Variants in PRKCA observed in about 807,000 individuals in gnomAD.
PRKCA encodes the protein protein kinase C alpha type.
PRKCA carries 27 observed loss-of-function variants against 87.0 expected under a neutral mutation model. The ratio of observed to expected loss-of-function variants is 0.31; its 90% CI spans 0.23 to 0.43. The LOEUF is 0.43. Among genes scored for constraint, PRKCA ranks in the 20% least tolerant of loss-of-function variants. The probability of loss-of-function intolerance (pLI) is 1.00; values close to 1 mark genes in which losing one functional copy is unlikely to be tolerated. For missense variants in PRKCA, 518 were observed against 852.3 expected (o/e 0.61, Z 4.88); for synonymous variants, 329 against 311.1 (o/e 1.06, Z -0.61).
chr17:66,454,096 T>C (rs2143934841), intron 2 of PRKCA, among the ~76,000 whole-genome samples: 1 of 152,376 alleles, frequency 6.6e-6, no homozygotes, highest in South Asian at 2.1e-4. Context: ...TTTAGCAGAA[T>C]TAATCTGAAA....
chr17:66,512,972 C>T (rs1485352164), intron 3 of PRKCA, among the ~76,000 whole-genome samples: 4 of 152,190 alleles, frequency 2.6e-5, no homozygotes, highest in African/African-American at 9.7e-5. Context: ...GGATTGCAGG[C>T]GTGAGCCGCC....
intron 12 of PRKCA, among the ~76,000 whole-genome samples, 188 bp downstream of exon 12, chr17:66,741,909 C>T (rs1013528058): frequency 3.9e-5 from 6 of 152,114 alleles, no homozygotes; most frequent in African/African-American, 1.4e-4. Flanking sequence ...ATTTCTAGAC[C>T]GCAAAGACTT....
chr17:66,526,188 T>A (rs1967342786), intron 3 of PRKCA, among the ~76,000 whole-genome samples: 1 of 152,244 alleles, frequency 6.6e-6, no homozygotes, highest in South Asian at 2.1e-4. Context: ...AGCTGAAATA[T>A]GTGCCTATAT....
chr17:66,747,262 G>A (rs1974314886), intron 13 of PRKCA, among the ~76,000 whole-genome samples: 2 of 152,104 alleles, frequency 1.3e-5, no homozygotes, highest in Non-Finnish European at 1.5e-5. Context: ...TAGGGATGGG[G>A]GTCTCGCTGT....
chr17:66,682,501 C>G (rs1253549196), intron 5 of PRKCA, among the ~76,000 whole-genome samples: 4 of 152,256 alleles, frequency 2.6e-5, no homozygotes, highest in Non-Finnish European at 1.5e-5. Context: ...AAGCATTCTT[C>G]CCGCGTTCCC....
intron 3 of PRKCA, among the ~76,000 whole-genome samples, chr17:66,614,674 G>C (rs1186025966): frequency 1.3e-5 from 2 of 152,176 alleles, no homozygotes; most frequent in East Asian, 3.8e-4. Context: ...TGACATTGTG[G>C]TGGCTGGCAA....
At chr17:66,542,626 C>T (rs1421478316) in intron 3 of PRKCA, among the ~76,000 whole-genome samples, 1 of 152,030 alleles carries the variant, frequency 6.6e-6, no homozygotes, top group African/African-American at 2.4e-5. Flanking sequence ...GAGAATTCTT[C>T]AGAGACTGAT....
At chr17:66,436,886 T>A (rs1913423337) in intron 2 of PRKCA, among the ~76,000 whole-genome samples, 1 of 152,064 alleles carries the variant, frequency 6.6e-6, no homozygotes, top group African/African-American at 2.4e-5. Context: ...ACAATGAGAA[T>A]TAAGTGAAAA....
At chr17:66,784,043 T>G (rs1362876931) in intron 14 of PRKCA, among the ~76,000 whole-genome samples, 1 of 152,246 alleles carries the variant, frequency 6.6e-6, no homozygotes, top group Non-Finnish European at 1.5e-5. Context: ...GTTTTCATTT[T>G]GCACTGAGAC....
chr17:66,357,768 G>A (rs1033058182), intron 2 of PRKCA, among the ~76,000 whole-genome samples: 10 of 152,296 alleles, frequency 6.6e-5, no homozygotes, highest in African/African-American at 2.2e-4. Flanking sequence ...AGTAAAGTAA[G>A]TAATGTGATT....
chr17:66,662,175 C>T (rs1971924871), intron 5 of PRKCA, among the ~76,000 whole-genome samples: 1 of 152,170 alleles, frequency 6.6e-6, no homozygotes. Context: ...ACTGATGTGT[C>T]TCCTGCTTGG....
rs1402216443 is a variant in PRKCA, at chr17:66,798,413, A to ATGG, written c.1855-5442_1855-5440dup. Among the ~76,000 whole-genome samples the ATGG allele has an allele frequency of 3.3e-3, 172 of 51,778 alleles. 2 individuals are homozygous for ATGG. Among genetic ancestry groups the ATGG allele is most frequent in the African/African-American group, 0.014 (164 of 11,452 alleles). 34.0% of individuals were successfully genotyped at this position (51,778 alleles called of 152,430 possible). On this transcript the variant is annotated intron_variant, in intron 16 of 16. Transcript: ENST00000413366. ...GGTGGTGGTGGTGGTGGTGATGGTG[A>ATGG]TGGTGGTGGTGGTGGTGGTGACGGT...
intron 8 of PRKCA, among the ~76,000 whole-genome samples, chr17:66,717,856 AG>A (rs1973516780): frequency 6.6e-6 from 1 of 152,242 alleles, no homozygotes; most frequent in Admixed American, 6.5e-5. Context: ...AGCAGGAGAA[AG>A]AATGACTCAT....
At chr17:66,479,706 G>A (rs1915692599) in intron 2 of PRKCA, among the ~76,000 whole-genome samples, 2 of 152,166 alleles carry the variant, frequency 1.3e-5, no homozygotes, top group South Asian at 4.1e-4. Flanking sequence ...CCTTTGCAGG[G>A]AAATGGATGG....
chr17:66,505,769 A>C (rs1028236627), intron 3 of PRKCA, among the ~76,000 whole-genome samples: 24 of 152,204 alleles, frequency 1.6e-4, no homozygotes, highest in Non-Finnish European at 3.4e-4. Flanking sequence ...AAGTCTGGGA[A>C]CAGATCTTTG....
At chr17:66,348,565 A>G (rs893891154) in intron 2 of PRKCA, among the ~76,000 whole-genome samples, 1 of 152,260 alleles carries the variant, frequency 6.6e-6, no homozygotes, top group Non-Finnish European at 1.5e-5. Context: ...ACATCACATT[A>G]AAATTCATAC....
At chr17:66,531,732 C>T (rs565539921) in intron 3 of PRKCA, among the ~76,000 whole-genome samples, 3 of 152,174 alleles carry the variant, frequency 2.0e-5, no homozygotes, top group Admixed American at 1.3e-4. Flanking sequence ...ACACCTGTGT[C>T]GTGTATTATT....
intron 3 of PRKCA, among the ~76,000 whole-genome samples, chr17:66,502,912 G>T (rs143177309): frequency 0.011 from 1,628 of 152,218 alleles, 24 homozygotes; most frequent in African/African-American, 0.037. Context: ...GCCTGCCTTG[G>T]CCTCCCAAAG....
intron 8 of PRKCA, among the ~76,000 whole-genome samples, chr17:66,729,031 T>G (rs951342841): frequency 6.6e-6 from 1 of 152,230 alleles, no homozygotes; most frequent in Non-Finnish European, 1.5e-5. Context: ...GGTAACTTTT[T>G]TCTTATTCTA....
Sources: gnomAD v4.1 joint callset for allele counts (sites outside exome capture counted in the v4.1 genomes callset) on GRCh38, gnomAD v4.1.1 for gene constraint, MANE v1.5 for transcripts, NCBI Gene and HGNC (gene_info 2026-07-23, HGNC 2026-07-21) for gene names.